Variants in BOK observed in about 807,000 individuals in gnomAD.
BOK encodes BCL2 family apoptosis regulator BOK.
A neutral mutation model predicts 18.3 loss-of-function variants in BOK; 20 were observed. The ratio of observed to expected loss-of-function variants is 1.09; its 90% CI spans 0.77 to 1.59. BOK has a LOEUF of 1.59. Ranked by LOEUF, BOK falls within the 40% of genes most tolerant of loss-of-function variation. The pLI is 0.00. For missense variants in BOK, 348 were observed against 307.9 expected (o/e 1.13, Z -0.97); for synonymous variants, 173 against 142.4 (o/e 1.21, Z -1.53).
intron 2 of BOK, chr2:241,560,176 CTCAGTA>C: frequency 1.0e-6 from 1 of 985,474 alleles, no homozygotes; most frequent in Non-Finnish European, 1.2e-6. Context: ...TAGCCAAAAC[CTCAGTA>C]TTCGTTGGTG....
At chr2:241,570,053 G>C (rs1575003930) in intron 3 of BOK, 72 bp from the exon 4 acceptor site, 24 of 1,528,172 alleles carry the variant, frequency 1.6e-5, no homozygotes, top group Non-Finnish European at 2.1e-5. Flanking sequence ...GCTCAGAGAG[G>C]CCCAGCCCCT....
chr2:241,568,580 G>T (rs1406717150), intron 3 of BOK, among the ~76,000 whole-genome samples: 1 of 152,016 alleles, frequency 6.6e-6, no homozygotes, highest in Non-Finnish European at 1.5e-5. Context: ...ACCATATCCG[G>T]CTAATTTTTG....
upstream of BOK, among the ~76,000 whole-genome samples, chr2:241,556,213 G>T (rs1434806519): frequency 6.6e-6 from 1 of 152,210 alleles, no homozygotes; most frequent in Non-Finnish European, 1.5e-5. Context: ...TGCACCCTCA[G>T]ATTTTACTGT....
Position 241,572,563 on chromosome 2 carries a change from C to T in BOK, c.*141C>T. On this transcript the variant is annotated 3_prime_UTR_variant, in exon 5 of 5. Transcript: ENST00000318407. ...AGACCCCCTAAGCCCCGTTCCTCCG[C>T]AGACCCAGGCCCTCCGGAAGGGGTG... The T allele has an allele frequency of 1.5e-6, 2 of 1,300,958 alleles. No individual in the cohort carries two copies. Among genetic ancestry groups the T allele is most frequent in the Non-Finnish European group, 2.1e-6 (2 of 963,882 alleles). The allele number at this position is 1,300,958 out of a possible 1,614,324, so 80.6% of individuals were successfully genotyped here. A position where few individuals can be genotyped will look rare whatever the true frequency, so the allele number is the denominator to read the frequency against.
In BOK at chr2:241,572,497, T is replaced by C. The variant is rs961267015; in HGVS notation, c.*75T>C. On this transcript the variant is annotated 3_prime_UTR_variant, in exon 5 of 5. Transcript: ENST00000318407. ...GAGGCCCTCAGCACCCGAACACATC[T>C]TCCTCCTCCCCACCCGAGCCTGGAG... The C allele has an allele frequency of 8.0e-5, 122 of 1,527,672 alleles. No homozygotes were observed. Among genetic ancestry groups the C allele is most frequent in the Non-Finnish European group, 1.0e-4 (118 of 1,139,820 alleles). The allele number at this position is 1,527,672 out of a possible 1,614,324, so 94.6% of individuals were successfully genotyped here.
upstream of BOK, among the ~76,000 whole-genome samples, chr2:241,556,339 C>T (rs1574991876): frequency 6.6e-6 from 1 of 152,352 alleles, no homozygotes; most frequent in Non-Finnish European, 1.5e-5. Flanking sequence ...AATCCCAGAA[C>T]TTTGTGATGC....
intron 2 of BOK, chr2:241,560,369 AG>A: frequency 1.2e-6 from 1 of 867,562 alleles, no homozygotes; most frequent in Non-Finnish European, 1.4e-6. Context: ...ATGCCCGAAG[AG>A]GGCACATGGG....
At chr2:241,555,378 ATT>A (rs11382322), upstream of BOK, among the ~76,000 whole-genome samples, 1 of 139,008 alleles carries the variant, frequency 7.2e-6, no homozygotes, top group Non-Finnish European at 1.5e-5. Context: ...CACTGAGGTC[ATT>A]TTTTTTTTTT....
rs543243110 is a variant in BOK, at chr2:241,567,618, C to T, written c.350-2507C>T. ...GTGCGCATCCCACCAATGACAAGGG[C>T]ACCTTCGAGGTTGGGGTGGCAGGAA... On this transcript the variant is annotated intron_variant, in intron 3 of 4. Coordinates refer to ENST00000318407, the MANE Select transcript of BOK (RefSeq NM_032515.5). 6.6e-4 allele frequency among the ~76,000 whole-genome samples: 88 copies of T among 134,284 alleles called. 19 individuals carry two copies. Among genetic ancestry groups the T allele is most frequent in the Admixed American group, 1.2e-3 (16 of 13,400 alleles). 88.1% of individuals were successfully genotyped at this position (134,284 alleles called of 152,430 possible).
In BOK at chr2:241,572,459, G is replaced by A; in HGVS notation, c.*37G>A. 6.3e-7 allele frequency: 1 copy of A among 1,580,888 alleles called. No individual in the cohort carries two copies. Among genetic ancestry groups the A allele is most frequent in the Non-Finnish European group, 8.5e-7 (1 of 1,170,770 alleles). On this transcript the variant is annotated 3_prime_UTR_variant, in exon 5 of 5. Transcript: ENST00000318407. ...GGCAGTGGCCGCAGCCTGGCCCTCTGGGCCCAACGCAGGAGGCCCTCAGCA... is the reference window on the plus strand; with the variant it reads ...GGCAGTGGCCGCAGCCTGGCCCTCTAGGCCCAACGCAGGAGGCCCTCAGCA...
Position 241,559,668 on chromosome 2 carries a change from G to T in BOK, c.185G>T (p.Arg62Leu), listed in dbSNP as rs754095506. The T allele has an allele frequency of 2.0e-5, 27 of 1,377,298 alleles. No individual in the cohort carries two copies. The African/African-American group carries it at 3.0e-4, about 16-fold the overall frequency. The allele number at this position is 1,377,298 out of a possible 1,614,324, so 85.3% of individuals were successfully genotyped here. A position where few individuals can be genotyped will look rare whatever the true frequency, so the allele number is the denominator to read the frequency against. ...GAGCGTGCCGCGCCGGTCCCGGGAC[G>T]CCTGGCTGAGGTGTGCGCGGTGCTG... ...APERAAPVPG[R>L]LAEVCAVLLR... The change falls in exon 2 of 5, where the codon CGC becomes CTC. Residue 62 changes from arginine to leucine, a missense_variant. Coordinates refer to ENST00000318407, the MANE Select transcript of BOK (RefSeq NM_032515.5).
chr2:241,571,801 C>T (rs529826880), intron 4 of BOK, among the ~76,000 whole-genome samples: 107 of 152,372 alleles, frequency 7.0e-4, no homozygotes, highest in African/African-American at 2.4e-3. Context: ...CCAGGGAGTC[C>T]GTGGGCTTCC....
chr2:241,560,519 T>G (rs1189471077), intron 2 of BOK, among the ~76,000 whole-genome samples: 1 of 152,252 alleles, frequency 6.6e-6, no homozygotes, highest in Non-Finnish European at 1.5e-5. Flanking sequence ...GGCGCTGGCA[T>G]GGGCTCTAGG....
intron 4 of BOK, 35 bp downstream of exon 4, chr2:241,570,323 T>G: frequency 5.2e-6 from 8 of 1,531,614 alleles, no homozygotes; most frequent in Non-Finnish European, 7.0e-6. Flanking sequence ...GTGGGAGAGC[T>G]GGGGTGCGAG....
At chr2:241,555,549 G>C (rs1405535300), upstream of BOK, among the ~76,000 whole-genome samples, 1 of 151,790 alleles carries the variant, frequency 6.6e-6, no homozygotes, top group Non-Finnish European at 1.5e-5. Context: ...CTAATTTTTT[G>C]TATTTTTAGT....
chr2:241,561,141 A>T (rs1553471), intron 2 of BOK, among the ~76,000 whole-genome samples: 80,946 of 151,958 alleles, frequency 0.53, 22,140 homozygotes, highest in African/African-American at 0.65. Context: ...GATACAGAGC[A>T]GCCTTTATCA....
Position 241,570,165 on chromosome 2 carries a change from CGCGGGGCT to C in BOK, c.392_399del (p.Ala131GlyfsTer40), listed in dbSNP as rs1259977540. The C allele has an allele frequency of 6.2e-7, 1 of 1,611,204 alleles. No individual in the cohort carries two copies. ...AGGTGGTGTCCCTGTATGCGGTGGC[CGCGGGGCT>C]GGCCGTGGACTGTGTGAGGCAGGCC... On this transcript the variant is annotated frameshift_variant, in exon 4 of 5. Coordinates refer to ENST00000318407, the MANE Select transcript of BOK (RefSeq NM_032515.5). LOFTEE classifies it high-confidence loss of function.
At chr2:241,564,632 G>A (rs2066582535) in intron 3 of BOK, among the ~76,000 whole-genome samples, 1 of 152,128 alleles carries the variant, frequency 6.6e-6, no homozygotes, top group African/African-American at 2.4e-5. Flanking sequence ...GCAGGAGCTG[G>A]CAAGCTGGTG....
upstream of BOK, among the ~76,000 whole-genome samples, chr2:241,555,444 C>T (rs4675933): frequency 0.31 from 46,422 of 151,216 alleles, 7,523 homozygotes; most frequent in Admixed American, 0.42. Flanking sequence ...GGCATGAGCT[C>T]GGCTCACCGC....
Sources: gnomAD v4.1 joint callset for allele counts (sites outside exome capture counted in the v4.1 genomes callset) on GRCh38, gnomAD v4.1.1 for gene constraint, MANE v1.5 for transcripts, NCBI Gene and HGNC (gene_info 2026-07-23, HGNC 2026-07-21) for gene names.